Variants in NTNG1 observed in about 807,000 individuals in gnomAD.
NTNG1 encodes netrin-G1.
Under a neutral mutation model 54.0 loss-of-function variants are expected in NTNG1, and 16 were observed. That is an observed-to-expected ratio of 0.30 (90% confidence interval 0.20 to 0.45). The LOEUF is 0.45. Among genes scored for constraint, NTNG1 ranks in the 20% least tolerant of loss-of-function variants. The probability of loss-of-function intolerance (pLI) is 1.00; values close to 1 mark genes in which losing one functional copy is unlikely to be tolerated. For missense variants in NTNG1, 530 were observed against 678.7 expected, an observed-to-expected ratio of 0.78 and a Z score of 2.43; for synonymous variants, 255 against 263.1, an observed-to-expected ratio of 0.97 and a Z score of 0.30.
intron 2 of NTNG1, among the ~76,000 whole-genome samples, chr1:107,185,113 G>T (rs1214119128): frequency 6.6e-6 from 1 of 152,198 alleles, no homozygotes; most frequent in Non-Finnish European, 1.5e-5. Context: ...GGTGAACTCA[G>T]AGTAGTCAAT....
chr1:107,369,526 A>G (rs1366408379), intron 3 of NTNG1, among the ~76,000 whole-genome samples: 1 of 151,988 alleles, frequency 6.6e-6, no homozygotes, highest in Non-Finnish European at 1.5e-5. Flanking sequence ...TCATTTGCTT[A>G]TTTGCCATAT....
At chr1:107,249,292 C>G (rs2101611863) in intron 2 of NTNG1, among the ~76,000 whole-genome samples, 1 of 151,834 alleles carries the variant, frequency 6.6e-6, no homozygotes, top group East Asian at 1.9e-4. Flanking sequence ...TCGAGACCAG[C>G]CTCAACATGG....
At chr1:107,413,967 C>A (rs1233262627) in intron 5 of NTNG1, among the ~76,000 whole-genome samples, 2 of 152,076 alleles carry the variant, frequency 1.3e-5, no homozygotes, top group Non-Finnish European at 2.9e-5. Flanking sequence ...GGGAAAGTTA[C>A]ATTTTACAAT....
At chr1:107,295,616 T>C (rs1269170580) in intron 2 of NTNG1, among the ~76,000 whole-genome samples, 1 of 152,126 alleles carries the variant, frequency 6.6e-6, no homozygotes, top group African/African-American at 2.4e-5. Flanking sequence ...GATGATAGTA[T>C]GAATTTTGCA....
At position 107,306,708 on chromosome 1, in the gene NTNG1, G is replaced by A. The variant is rs553510154; in HGVS notation, c.247-17574G>A. Among the ~76,000 whole-genome samples the A allele has an allele frequency of 4.9e-4, 74 of 150,998 alleles. No individual in the cohort carries two copies. The East Asian group carries it at 0.013, about 26-fold the overall frequency. On this transcript the variant is annotated intron_variant, in intron 2 of 7. Coordinates refer to ENST00000370068, the MANE Select transcript of NTNG1 (RefSeq NM_001113226.3). ...GGAGGTTGCAGTGAGCCGAGATCAC[G>A]CCCTTGCGCTCCAGCCTGGGAGACA...
In NTNG1 at chr1:107,148,483, C is replaced by G; in HGVS notation, c.-111C>G. 4 of 992,388 alleles carry G rather than the reference C, an allele frequency of 4.0e-6. No homozygotes were observed. Among genetic ancestry groups the G allele is most frequent in the Non-Finnish European group, 6.0e-6 (4 of 661,478 alleles). 61.5% of individuals were successfully genotyped at this position (992,388 alleles called of 1,614,324 possible). On this transcript the variant is annotated 5_prime_UTR_variant, in exon 2 of 8. Coordinates refer to ENST00000370068, the MANE Select transcript of NTNG1 (RefSeq NM_001113226.3). The stretch of plus-strand genomic sequence containing the variant: ...TTTAAAAAAAAATACAGAGACCTAC[C>G]TACCCGTACGCATACATACATATGT...
intron 2 of NTNG1, among the ~76,000 whole-genome samples, chr1:107,159,231 G>A (rs1655227364): frequency 6.6e-6 from 1 of 152,098 alleles, no homozygotes; most frequent in African/African-American, 2.4e-5. Flanking sequence ...TTATTTCAAA[G>A]TTTAGAAAGA....
intron 2 of NTNG1, among the ~76,000 whole-genome samples, chr1:107,264,496 T>G (rs3125684): frequency 0.85 from 128,941 of 152,228 alleles, 58,514 homozygotes; most frequent in Non-Finnish European, 1. Flanking sequence ...CCCTATGAAG[T>G]TAAAAGACTA....
intron 6 of NTNG1, 28 bp downstream of exon 6, chr1:107,430,945 C>T (rs1435427149): frequency 8.7e-6 from 14 of 1,604,784 alleles, no homozygotes; most frequent in Non-Finnish European, 1.2e-5. Flanking sequence ...TTCAGCTATT[C>T]TTCTGTGCCT....
intron 7 of NTNG1, among the ~76,000 whole-genome samples, chr1:107,462,024 C>G (rs1390334892): frequency 6.6e-6 from 1 of 152,104 alleles, no homozygotes; most frequent in African/African-American, 2.4e-5. Context: ...TGGCTTGGAC[C>G]ATTAGGAGCA....
At chr1:107,344,141 T>C (rs1325118586) in intron 3 of NTNG1, among the ~76,000 whole-genome samples, 1 of 152,178 alleles carries the variant, frequency 6.6e-6, no homozygotes, top group African/African-American at 2.4e-5. Context: ...TAATTTAATT[T>C]AGATTTTGTT....
At chr1:107,462,827 A>G (rs533885575) in intron 7 of NTNG1, among the ~76,000 whole-genome samples, 1 of 152,326 alleles carries the variant, frequency 6.6e-6, no homozygotes, top group African/African-American at 2.4e-5. Flanking sequence ...CTCATCTTCA[A>G]AACTGCCTTA....
At chr1:107,200,117 C>T (rs765836751) in intron 2 of NTNG1, among the ~76,000 whole-genome samples, 1 of 151,806 alleles carries the variant, frequency 6.6e-6, no homozygotes, top group Non-Finnish European at 1.5e-5. Context: ...TTGGATACTG[C>T]TTTTGTAACC....
chr1:107,339,774 G>A (rs879537954), intron 3 of NTNG1, among the ~76,000 whole-genome samples: 3 of 152,112 alleles, frequency 2.0e-5, no homozygotes, highest in African/African-American at 4.8e-5. Context: ...TCTCTTTCAC[G>A]AATGTAGAAT....
intron 2 of NTNG1, among the ~76,000 whole-genome samples, chr1:107,275,570 A>G (rs2101706253): frequency 6.6e-6 from 1 of 152,226 alleles, no homozygotes; most frequent in Middle Eastern, 3.4e-3. Flanking sequence ...GTTCCAGTCC[A>G]AAGACCAGCA....
In NTNG1 at chr1:107,148,053, T is replaced by A. The variant is rs1654260927; in HGVS notation, c.-525-16T>A. 6.5e-6 allele frequency: 1 copy of A among 154,862 alleles called. No homozygotes were observed. Among genetic ancestry groups the A allele is most frequent in the Non-Finnish European group, 1.4e-5 (1 of 69,856 alleles). 9.6% of individuals were successfully genotyped at this position (154,862 alleles called of 1,614,324 possible). Reference sequence around the variant, plus strand: ...GATTCTGGGACAATAACACTTACTCTTATTGTTTCTAAAAGGGTGTTGGTG... The same window carrying A: ...GATTCTGGGACAATAACACTTACTCATATTGTTTCTAAAAGGGTGTTGGTG... On this transcript the variant is annotated splice_polypyrimidine_tract_variant and intron_variant, in intron 1 of 7. Coordinates refer to ENST00000370068, the MANE Select transcript of NTNG1 (RefSeq NM_001113226.3).
At chr1:107,274,087 A>G (rs1570557651) in intron 2 of NTNG1, among the ~76,000 whole-genome samples, 1 of 152,222 alleles carries the variant, frequency 6.6e-6, no homozygotes, top group East Asian at 1.9e-4. Flanking sequence ...AGTTTGTATA[A>G]TAACCCATTA....
At chr1:107,370,632 C>T (rs1267775359) in intron 3 of NTNG1, among the ~76,000 whole-genome samples, 2 of 151,950 alleles carry the variant, frequency 1.3e-5, no homozygotes, top group Non-Finnish European at 2.9e-5. Context: ...TCCTGAGTCA[C>T]TTCACTTAGA....
chr1:107,264,236 G>A (rs1353692917), intron 2 of NTNG1, among the ~76,000 whole-genome samples: 1 of 152,014 alleles, frequency 6.6e-6, no homozygotes, highest in Non-Finnish European at 1.5e-5. Context: ...CCACCCTGGT[G>A]CACATTTTTG....
Sources: allele counts gnomAD v4.1 joint callset (sites outside exome capture counted in the v4.1 genomes callset), GRCh38; gene constraint gnomAD v4.1.1; transcripts MANE v1.5; gene names NCBI Gene and HGNC (gene_info 2026-07-23, HGNC 2026-07-21).